The following OLA1 variants were observed in gnomAD, a reference collection of about 807,000 sequenced individuals.
The protein encoded by OLA1 is obg-like ATPase 1.
In OLA1, 14 loss-of-function variants were observed where a neutral mutation model predicts 48.4. The observed-to-expected ratio is 0.29, with a 90% CI of 0.19 to 0.45. The LOEUF (loss-of-function observed/expected upper bound fraction) is 0.45. Ranked by LOEUF, OLA1 falls within the 20% of genes least tolerant of loss-of-function variation. The pLI, the probability that OLA1 is intolerant of heterozygous loss-of-function variation, is 1.00. For missense variants in OLA1, 325 were observed against 467.1 expected, an observed-to-expected ratio of 0.70 and a Z score of 2.80; for synonymous variants, 127 against 150.4, an observed-to-expected ratio of 0.84 and a Z score of 1.14.
At chr2:174,196,526 G>A (rs527252808) in intron 4 of OLA1, among the ~76,000 whole-genome samples, 32 of 152,130 alleles carry the variant, frequency 2.1e-4, no homozygotes, top group Non-Finnish European at 3.8e-4. Flanking sequence ...TCAGTTCAAG[G>A]GAAGAACTTC....
At chr2:174,205,085 T>C (rs1452216592) in intron 4 of OLA1, among the ~76,000 whole-genome samples, 2 of 152,238 alleles carry the variant, frequency 1.3e-5, no homozygotes, top group Non-Finnish European at 2.9e-5. Context: ...ATTTAAATTA[T>C]CGCATATAGT....
intron 3 of OLA1, among the ~76,000 whole-genome samples, chr2:174,225,248 G>A (rs1488282888): frequency 6.6e-6 from 1 of 152,074 alleles, no homozygotes; most frequent in African/African-American, 2.4e-5. Flanking sequence ...TCATCTTCTG[G>A]CCATGAGTTA....
rs148783813 is a variant in OLA1, at chr2:174,196,536, C to G, written c.373+26497G>C. On this transcript the variant is annotated intron_variant, in intron 4 of 10. Transcript: ENST00000284719. ...CAAATTCAGTTCAAGGGAAGAACTT[C>G]ATCACCATTTGGTGGTTGTAATTTA... Among the ~76,000 whole-genome samples, 540 of 152,306 alleles carry G rather than the reference C, an allele frequency of 3.5e-3. 2 individuals carry two copies. The highest frequency in any genetic ancestry group is 0.012 in the African/African-American group (515 of 41,578).
At chr2:174,160,651 C>A (rs1686988539) in intron 4 of OLA1, among the ~76,000 whole-genome samples, 1 of 152,166 alleles carries the variant, frequency 6.6e-6, no homozygotes, top group Admixed American at 6.6e-5. Context: ...CTTCTCGAGA[C>A]AGCATTTTCA....
At chr2:174,182,065 A>T (rs537851874) in intron 4 of OLA1, among the ~76,000 whole-genome samples, 13 of 152,338 alleles carry the variant, frequency 8.5e-5, no homozygotes, top group Non-Finnish European at 1.8e-4. Flanking sequence ...TAAGGAACTG[A>T]AAGAGGGAAG....
intron 4 of OLA1, among the ~76,000 whole-genome samples, chr2:174,219,094 T>C (rs1688432075): frequency 6.6e-6 from 1 of 151,182 alleles, no homozygotes; most frequent in Non-Finnish European, 1.5e-5. Flanking sequence ...AGTGCTAGGA[T>C]TATAGGCATG....
intron 4 of OLA1, among the ~76,000 whole-genome samples, chr2:174,184,384 T>A (rs879391427): frequency 1.3e-5 from 2 of 152,228 alleles, no homozygotes; most frequent in East Asian, 3.9e-4. Flanking sequence ...ATAACTCCAG[T>A]TTAATGATGA....
chr2:174,187,299 T>C (rs572884381), intron 4 of OLA1, among the ~76,000 whole-genome samples: 2 of 152,336 alleles, frequency 1.3e-5, no homozygotes, highest in Non-Finnish European at 2.9e-5. Flanking sequence ...TTGGTGTTAT[T>C]GCCCCAGAAA....
intron 4 of OLA1, among the ~76,000 whole-genome samples, chr2:174,189,807 A>T (rs777988039): frequency 2.2e-4 from 34 of 151,700 alleles, no homozygotes; most frequent in Admixed American, 1.3e-3. Flanking sequence ...CAAGTAGGAA[A>T]TGACATATAT....
At chr2:174,131,705 G>T (rs1436366409) in intron 5 of OLA1, among the ~76,000 whole-genome samples, 2 of 152,024 alleles carry the variant, frequency 1.3e-5, no homozygotes, top group Non-Finnish European at 2.9e-5. Flanking sequence ...GATTAATGAG[G>T]AATTTCTTCT....
chr2:174,136,966 C>G (rs1479792550), intron 5 of OLA1, among the ~76,000 whole-genome samples: 1 of 152,116 alleles, frequency 6.6e-6, no homozygotes, highest in Non-Finnish European at 1.5e-5. Context: ...TGAGCCACCA[C>G]GCCCGGCCAT....
chr2:174,150,312 C>T (rs1686713873), intron 4 of OLA1, among the ~76,000 whole-genome samples: 1 of 152,202 alleles, frequency 6.6e-6, no homozygotes, highest in Non-Finnish European at 1.5e-5. Context: ...CTGTGCTGTG[C>T]TGCCTTGGGA....
intron 4 of OLA1, among the ~76,000 whole-genome samples, chr2:174,179,680 T>C (rs1413904306): frequency 6.6e-6 from 1 of 152,062 alleles, no homozygotes; most frequent in Non-Finnish European, 1.5e-5. Context: ...ACTGACTAAA[T>C]GGTTCCACTG....
At chr2:174,156,951 A>G (rs1321337636) in intron 4 of OLA1, among the ~76,000 whole-genome samples, 1 of 151,876 alleles carries the variant, frequency 6.6e-6, no homozygotes, top group East Asian at 1.9e-4. Flanking sequence ...AGAGAGACTG[A>G]TGGTCACAAA....
chr2:174,102,936 G>A (rs998259550), intron 7 of OLA1, among the ~76,000 whole-genome samples: 18 of 152,136 alleles, frequency 1.2e-4, no homozygotes, highest in Non-Finnish European at 2.1e-4. Flanking sequence ...GTACACAGAA[G>A]ACTGCTGAGC....
At chr2:174,152,538 G>A (rs1184702423) in intron 4 of OLA1, among the ~76,000 whole-genome samples, 1 of 152,142 alleles carries the variant, frequency 6.6e-6, no homozygotes, top group East Asian at 1.9e-4. Context: ...AGCACATTCT[G>A]CTAACAAGAT....
At chr2:174,164,129 C>G in intron 4 of OLA1, among the ~76,000 whole-genome samples, 1 of 151,964 alleles carries the variant, frequency 6.6e-6, no homozygotes, top group East Asian at 1.9e-4. Context: ...GAGGTGCCTT[C>G]CACCATGCTT....
chr2:174,091,395 T>C (rs899305140), intron 7 of OLA1, among the ~76,000 whole-genome samples: 1 of 148,626 alleles, frequency 6.7e-6, no homozygotes, highest in African/African-American at 2.4e-5. Context: ...CATAAGATTT[T>C]ATCTGAAGAT....
intron 4 of OLA1, among the ~76,000 whole-genome samples, chr2:174,185,499 T>C (rs1273968626): frequency 3.9e-5 from 6 of 152,178 alleles, no homozygotes; most frequent in Admixed American, 3.3e-4. Flanking sequence ...TTTTTGAGAC[T>C]TTTTTCCTAT....
Sources: allele counts gnomAD v4.1 joint callset (sites outside exome capture counted in the v4.1 genomes callset), GRCh38; gene constraint gnomAD v4.1.1; transcripts MANE v1.5; gene names NCBI Gene and HGNC (gene_info 2026-07-23, HGNC 2026-07-21).